Variants in DDX43 observed in about 807,000 individuals in gnomAD.
The protein encoded by DDX43 is probable ATP-dependent RNA helicase DDX43.
A neutral mutation model predicts 84.9 loss-of-function variants in DDX43; 50 were observed. The ratio of observed to expected loss-of-function variants is 0.59; its 90% CI spans 0.47 to 0.75. DDX43 has a LOEUF of 0.75. DDX43 is among the 30% of genes least tolerant of loss of function. The pLI is 0.00. For synonymous variants in DDX43, 291 were observed against 266.3 expected (o/e 1.09, Z -0.90); for missense variants, 689 against 798.6 (o/e 0.86, Z 1.65).
At chr6:73,395,223 T>C in intron 1 of DDX43, 68 bp downstream of exon 1, 4 of 1,501,464 alleles carry the variant, frequency 2.7e-6, no homozygotes, top group South Asian at 1.3e-5. Flanking sequence ...CGAAGGCATT[T>C]CCTCCCCACT....
rs926000173 is a variant in DDX43, at chr6:73,396,108, G to A, written c.250+953G>A. Reference sequence around the variant, plus strand: ...CTCCCTAGTAGCTGAAATTACGTGCGCCACCACACCTGGCTAATTTTTGTG... The same window carrying A: ...CTCCCTAGTAGCTGAAATTACGTGCACCACCACACCTGGCTAATTTTTGTG... On this transcript the variant is annotated intron_variant, in intron 1 of 16. Coordinates refer to ENST00000370336, the MANE Select transcript of DDX43 (RefSeq NM_018665.3). Among the ~76,000 whole-genome samples, 19 of 151,696 alleles carry A rather than the reference G, an allele frequency of 1.3e-4. 1 individual carries two copies. The South Asian group carries it at 3.5e-3, about 28-fold the overall frequency.
In DDX43 at chr6:73,405,682, A is replaced by G. The variant is rs1361711900; in HGVS notation, c.654A>G (p.Lys218=). ...MSKVEADSWR[K]ENFNITWDDL... is the part of the protein sequence containing the mutation. ...TGATGTTTTTTATTCTTTGAAGGAA[A>G]GAAAATTTTAATATAACGTGGGATG... Residue 218 remains lysine (K), a synonymous_variant, in exon 6 of 17, where the codon AAA becomes AAG. Coordinates refer to ENST00000370336, the MANE Select transcript of DDX43 (RefSeq NM_018665.3). 1 of 1,611,798 alleles carries G rather than the reference A, an allele frequency of 6.2e-7. No individual in the cohort carries two copies. The highest frequency in any genetic ancestry group is 8.5e-7 in the Non-Finnish European group (1 of 1,179,450).
At chr6:73,413,449 A>C in intron 11 of DDX43, 7 of 349,720 alleles carry the variant, frequency 2.0e-5, no homozygotes, top group East Asian at 5.0e-5. Flanking sequence ...GGTTGAAGGA[A>C]TGGTACCAAT....
chr6:73,414,529 A>G lies in DDX43; in HGVS notation c.1607-19A>G. 6.2e-7 allele frequency: 1 copy of G among 1,605,486 alleles called. No homozygotes were observed. Among genetic ancestry groups the G allele is most frequent in the South Asian group, 1.1e-5 (1 of 89,876 alleles). On this transcript the variant is annotated intron_variant, in intron 13 of 16. Coordinates refer to ENST00000370336, the MANE Select transcript of DDX43 (RefSeq NM_018665.3). ...TTTATACCAGAATGGTTCAGTGTTC[A>G]TTTGGCTTTACTTTTTAGGCAAAGT...
intron 11 of DDX43, 44 bp downstream of exon 11, chr6:73,412,336 A>G: frequency 1.3e-6 from 2 of 1,543,788 alleles, no homozygotes; most frequent in Non-Finnish European, 1.8e-6. Flanking sequence ...TCTTATGAAA[A>G]TTCTGAAGAT....
intron 1 of DDX43, among the ~76,000 whole-genome samples, chr6:73,396,681 C>T (rs552600310): frequency 1.3e-5 from 2 of 152,296 alleles, no homozygotes; most frequent in South Asian, 4.1e-4. Context: ...TATCCCAGAT[C>T]TCTGGAACTT....
chr6:73,395,225 C>A, intron 1 of DDX43, 70 bp downstream of exon 1: 1 of 1,498,386 alleles, frequency 6.7e-7, no homozygotes, highest in Admixed American at 2.1e-5. Flanking sequence ...AAGGCATTTC[C>A]TCCCCACTGC....
rs1769866180 is a variant in DDX43 at position 73,414,569 on chromosome 6, C to T, written c.1628C>T (p.Ala543Val). The change falls in exon 14 of 17, where the codon GCA (alanine) becomes GTA (valine). Residue 543 changes from alanine (A) to valine (V), a missense_variant. Around this residue, in one of 2 missense-constraint regions of DDX43, gnomAD observed 552 missense variants for 692.7 expected, o/e 0.80. Transcript: ENST00000370336. ...FKTGKVRILI[A>V]TDLASRGLDV... ...TTAGGCAAAGTGAGAATACTAATTG[C>T]AACTGATCTAGCCTCTAGAGGACTT... The T allele has an allele frequency of 1.2e-6, 2 of 1,612,430 alleles. No individual in the cohort carries two copies. The highest frequency in any genetic ancestry group is 2.2e-5 in the South Asian group (2 of 90,760).
chr6:73,404,926 CT>C (rs768964615), intron 5 of DDX43, among the ~76,000 whole-genome samples, 155 bp downstream of exon 5: 1 of 152,132 alleles, frequency 6.6e-6, no homozygotes, highest in Non-Finnish European at 1.5e-5. Flanking sequence ...ACATTGTTGT[CT>C]AGTAAAACTT....
chr6:73,405,230 A>G (rs1402974407), intron 5 of DDX43, among the ~76,000 whole-genome samples: 3 of 152,238 alleles, frequency 2.0e-5, no homozygotes, highest in Non-Finnish European at 4.4e-5. Flanking sequence ...GATAAAACTA[A>G]GAGATGCATG....
At chr6:73,406,043 G>A (rs772978371) in intron 6 of DDX43, among the ~76,000 whole-genome samples, 58 of 124,506 alleles carry the variant, frequency 4.7e-4, no homozygotes, top group Admixed American at 9.1e-4. Context: ...TTTTTTTTTT[G>A]AGACAGTTTT....
At chr6:73,404,423 A>G (rs1414180436) in intron 4 of DDX43, among the ~76,000 whole-genome samples, 1 of 152,112 alleles carries the variant, frequency 6.6e-6, no homozygotes, top group Non-Finnish European at 1.5e-5. Context: ...TTTTCCGTAG[A>G]GACAGGGTGT....
At chr6:73,413,179 C>T (rs977131632) in intron 11 of DDX43, among the ~76,000 whole-genome samples, 8 of 151,954 alleles carry the variant, frequency 5.3e-5, no homozygotes, top group Non-Finnish European at 1.5e-5. Flanking sequence ...TGGGAACCCT[C>T]CATTATAATA....
At chr6:73,412,153 CAT>C in intron 10 of DDX43, 50 bp from the exon 11 acceptor site, 3 of 1,485,480 alleles carry the variant, frequency 2.0e-6, no homozygotes, top group Non-Finnish European at 1.9e-6. Context: ...CTTAAGGAAA[CAT>C]AGTAATGTTT....
At chr6:73,404,308 G>A (rs527691634) in intron 4 of DDX43, among the ~76,000 whole-genome samples, 89 of 152,048 alleles carry the variant, frequency 5.9e-4, no homozygotes, top group Non-Finnish European at 1.1e-3. Flanking sequence ...GGTTAGGCTC[G>A]TCTCAAACTC....
chr6:73,409,102 C>T, intron 9 of DDX43, 146 bp from the exon 10 acceptor site: 1 of 650,372 alleles, frequency 1.5e-6, no homozygotes, highest in Middle Eastern at 4.0e-4. Flanking sequence ...GCTTAGTATT[C>T]TGACCTCTGG....
rs147062990 is a variant in DDX43, at chr6:73,407,529, C to T, written c.951C>T (p.Pro317=). The T allele has an allele frequency of 6.4e-4, 1,028 of 1,612,986 alleles. 1 individual carries two copies. Among genetic ancestry groups the T allele is most frequent in the Non-Finnish European group, 8.3e-4 (976 of 1,179,218 alleles). Reference sequence around the variant, plus strand: ...GCCTTAAAGGTCAAAGGAATAGACCCGGCATGTTAGTTCTAACTCCCACTC... The same window carrying T: ...GCCTTAAAGGTCAAAGGAATAGACCTGGCATGTTAGTTCTAACTCCCACTC... ...QPSLKGQRNR[P]GMLVLTPTRE... The change falls in exon 8 of 17, where the codon CCC becomes CCT. Residue 317 remains proline, a synonymous_variant. Coordinates refer to ENST00000370336, the MANE Select transcript of DDX43 (RefSeq NM_018665.3).
intron 7 of DDX43, among the ~76,000 whole-genome samples, 185 bp downstream of exon 7, chr6:73,406,667 G>C (rs749347982): frequency 6.6e-6 from 1 of 152,200 alleles, no homozygotes; most frequent in African/African-American, 2.4e-5. Context: ...ATTTTTAGGA[G>C]GCAATAGGTA....
rs1344429556 is a variant in DDX43 at position 73,394,858 on chromosome 6, G to C, written c.-48G>C. On this transcript the variant is annotated 5_prime_UTR_variant, in exon 1 of 17. Coordinates refer to ENST00000370336, the MANE Select transcript of DDX43 (RefSeq NM_018665.3). ...ACTCTTACGACGTCACGGTCAGGTG[G>C]TGCAGAGCTGGACGGCAACGACGTC... 7.5e-6 allele frequency: 12 copies of C among 1,600,934 alleles called. No individual in the cohort carries two copies. The highest frequency in any genetic ancestry group is 1.0e-5 in the Non-Finnish European group (12 of 1,173,228).
Sources: gnomAD v4.1 joint callset for allele counts (sites outside exome capture counted in the v4.1 genomes callset) on GRCh38, gnomAD v4.1.1 for gene constraint, gnomAD v4.1.1 regional missense constraint, MANE v1.5 for transcripts, NCBI Gene and HGNC (gene_info 2026-07-23, HGNC 2026-07-21) for gene names.